The following TCTN3 variants were observed in gnomAD, a reference collection of about 807,000 sequenced individuals.
TCTN3 encodes tectonic-3.
Under a neutral mutation model 71.3 loss-of-function variants are expected in TCTN3, and 57 were observed. The ratio of observed to expected loss-of-function variants is 0.80; its 90% confidence interval spans 0.65 to 1.00. The LOEUF is 1.00. TCTN3 is among the 50% of genes least tolerant of loss of function. TCTN3 has a pLI of 0.00. For missense variants in TCTN3, 696 were observed against 719.9 expected, an observed-to-expected ratio of 0.97 and a Z score of 0.38; for synonymous variants, 258 against 267.8, an observed-to-expected ratio of 0.96 and a Z score of 0.36.
intron 7 of TCTN3, among the ~76,000 whole-genome samples, chr10:95,686,153 A>T (rs2097948077): frequency 6.6e-6 from 1 of 152,222 alleles, no homozygotes; most frequent in Non-Finnish European, 1.5e-5. Context: ...AGTTGAGCCC[A>T]GGAGGTTTAG....
Sources: allele counts gnomAD v4.1 joint callset (sites outside exome capture counted in the v4.1 genomes callset), GRCh38; gene constraint gnomAD v4.1.1; transcripts MANE v1.5; gene names NCBI Gene and HGNC (gene_info 2026-07-23, HGNC 2026-07-21).